Variants in ZCCHC7 observed in about 807,000 individuals in gnomAD.
ZCCHC7 encodes the protein zinc finger CCHC-type containing 7.
Under a neutral mutation model 52.0 loss-of-function variants are expected in ZCCHC7, and 35 were observed. That is an observed-to-expected ratio of 0.67 (90% CI 0.51 to 0.89). ZCCHC7 has a LOEUF of 0.89. Among genes scored for constraint, ZCCHC7 ranks in the 40% least tolerant of loss-of-function variants. The probability of loss-of-function intolerance (pLI) is 0.00; values close to 1 mark genes in which losing one functional copy is unlikely to be tolerated. For missense variants in ZCCHC7, 574 were observed against 649.1 expected (o/e 0.88, Z 1.26); for synonymous variants, 217 against 221.5 (o/e 0.98, Z 0.18).
At chr9:37,346,743 A>T (rs763517940) in intron 6 of ZCCHC7, among the ~76,000 whole-genome samples, 6 of 152,220 alleles carry the variant, frequency 3.9e-5, no homozygotes, top group Non-Finnish European at 7.3e-5. Flanking sequence ...TAGGAGGCCA[A>T]GGTGAAAGGA....
Position 37,354,814 on chromosome 9 carries a change from AAAAAT to A in ZCCHC7, c.1193_1197del (p.Ile398SerfsTer22). 6.2e-7 allele frequency: 1 copy of A among 1,601,066 alleles called. No homozygotes were observed. Among genetic ancestry groups the A allele is most frequent in the East Asian group, 2.2e-5 (1 of 44,822 alleles). Reference sequence around the variant, plus strand: ...AGGAGAGAGAAAAGAGACTAAAACAAAAAATAAAAGGTATGTTGCTAGACTTCTTG... The same window carrying A: ...AGGAGAGAGAAAAGAGACTAAAACAAAAAAGGTATGTTGCTAGACTTCTTG... On this transcript the variant is annotated frameshift_variant, in exon 8 of 9. Coordinates refer to ENST00000336755, the MANE Select transcript of ZCCHC7 (RefSeq NM_032226.3). LOFTEE classifies it low-confidence loss of function (END_TRUNC). This position sits in a 1 kb window ranked among gnomAD's most constrained non-coding sequence, Gnocchi z 4.0.
intron 2 of ZCCHC7, among the ~76,000 whole-genome samples, chr9:37,288,848 A>G (rs1457853062): frequency 1.3e-5 from 2 of 152,036 alleles, no homozygotes; most frequent in Non-Finnish European, 2.9e-5. Flanking sequence ...TCCTTTCTCT[A>G]CACTCAAACC....
At chr9:37,235,164 T>C (rs1825585028) in intron 2 of ZCCHC7, among the ~76,000 whole-genome samples, 1 of 152,234 alleles carries the variant, frequency 6.6e-6, no homozygotes, top group African/African-American at 2.4e-5. Flanking sequence ...TTATTGTTAA[T>C]TGTAATCACT....
intron 6 of ZCCHC7, among the ~76,000 whole-genome samples, chr9:37,342,121 A>T (rs540925991): frequency 1.3e-5 from 2 of 152,288 alleles, no homozygotes; most frequent in South Asian, 4.2e-4. Context: ...TAATCATCCA[A>T]ACGAGAGTTG....
rs1823087548 is a variant in ZCCHC7, at chr9:37,192,831, T to G, written c.610+65889T>G. On this transcript the variant is annotated intron_variant, in intron 2 of 8. Coordinates refer to ENST00000336755, the MANE Select transcript of ZCCHC7 (RefSeq NM_032226.3). ...TAGATTTTTCCCTTTTTAAAAAAACTTTACACAAAATGTAAACTTCATACA... is the reference window on the plus strand; with the variant it reads ...TAGATTTTTCCCTTTTTAAAAAAACGTTACACAAAATGTAAACTTCATACA... Among the ~76,000 whole-genome samples the G allele has an allele frequency of 2.2e-5, 3 of 138,100 alleles. No homozygotes were observed. In the South Asian group the frequency reaches 6.3e-4, roughly 29 times the overall value. The allele number at this position is 138,100 out of a possible 152,430, so 90.6% of individuals were successfully genotyped here. A position where few individuals can be genotyped will look rare whatever the true frequency, so the allele number is the denominator to read the frequency against.
intron 2 of ZCCHC7, among the ~76,000 whole-genome samples, chr9:37,279,113 T>C (rs1261978316): frequency 6.6e-6 from 1 of 152,032 alleles, no homozygotes; most frequent in African/African-American, 2.4e-5. Flanking sequence ...GGAAATGATA[T>C]ACCAAGTCAA....
At chr9:37,197,872 T>G (rs908357104) in intron 2 of ZCCHC7, among the ~76,000 whole-genome samples, 2 of 152,234 alleles carry the variant, frequency 1.3e-5, no homozygotes, top group Admixed American at 1.3e-4. Flanking sequence ...ATACTTTATC[T>G]ACTTCAGGTA....
intron 2 of ZCCHC7, among the ~76,000 whole-genome samples, chr9:37,161,391 G>T (rs1028474437): frequency 5.3e-5 from 8 of 152,052 alleles, no homozygotes; most frequent in African/African-American, 1.7e-4. Flanking sequence ...TGGCTAACAC[G>T]GTGAAACCCC....
chr9:37,270,434 T>G lies in ZCCHC7; in HGVS notation c.611-31754T>G, dbSNP rs1249105041. On this transcript the variant is annotated intron_variant, in intron 2 of 8. Transcript: ENST00000336755. Reference sequence around the variant, plus strand: ...GGCTGGGCGCGGTGGCTCATGCCTGTAATCACAGCACTTTGGGAGGCTGAG... The same window carrying G: ...GGCTGGGCGCGGTGGCTCATGCCTGGAATCACAGCACTTTGGGAGGCTGAG... 2.6e-5 allele frequency among the ~76,000 whole-genome samples: 4 copies of G among 152,184 alleles called. No homozygotes were observed. The Middle Eastern group carries it at 0.01, about 388-fold the overall frequency.
chr9:37,278,147 GCTCCTA>G, intron 2 of ZCCHC7, among the ~76,000 whole-genome samples: 1 of 151,812 alleles, frequency 6.6e-6, no homozygotes, highest in Non-Finnish European at 1.5e-5. Context: ...GCAGCCTCGA[GCTCCTA>G]GACTCTGGTG....
intron 7 of ZCCHC7, among the ~76,000 whole-genome samples, chr9:37,353,416 A>G (rs971947469): frequency 3.3e-5 from 5 of 152,186 alleles, no homozygotes; most frequent in Non-Finnish European, 5.9e-5. Context: ...AAAATTATGA[A>G]GTCTGAAACT....
chr9:37,326,787 T>C (rs1830261357), intron 5 of ZCCHC7: 1 of 152,020 alleles, frequency 6.6e-6, no homozygotes, highest in Non-Finnish European at 1.5e-5. Flanking sequence ...TGTTTCAAAC[T>C]AGGTATCAAA....
At chr9:37,136,502 G>C (rs541212578) in intron 2 of ZCCHC7, among the ~76,000 whole-genome samples, 3 of 149,318 alleles carry the variant, frequency 2.0e-5, no homozygotes, top group African/African-American at 7.3e-5. Context: ...CTCTCACCCA[G>C]GCAGGAGTAC....
intron 2 of ZCCHC7, chr9:37,160,083 T>G (rs960950223): frequency 6.6e-6 from 1 of 152,214 alleles, no homozygotes. Flanking sequence ...ACACCCTACT[T>G]GAAGGATCCT....
chr9:37,129,940 A>G (rs1027853281), intron 2 of ZCCHC7, among the ~76,000 whole-genome samples: 31 of 152,184 alleles, frequency 2.0e-4, no homozygotes, highest in African/African-American at 7.5e-4. Flanking sequence ...TTACAGTGGT[A>G]AAAGACTTAA....
At chr9:37,299,767 A>G (rs567265385) in intron 2 of ZCCHC7, among the ~76,000 whole-genome samples, 3 of 152,294 alleles carry the variant, frequency 2.0e-5, no homozygotes, top group Non-Finnish European at 4.4e-5. Flanking sequence ...GACTTGATCT[A>G]TTGTTGAAAC....
At chr9:37,349,324 A>G (rs374032208) in intron 6 of ZCCHC7, 33 bp from the exon 7 acceptor site, 13 of 1,604,510 alleles carry the variant, frequency 8.1e-6, no homozygotes, top group Non-Finnish European at 1.1e-5. Context: ...TTCTTCTAAC[A>G]TCAACAAACC....
intron 6 of ZCCHC7, among the ~76,000 whole-genome samples, chr9:37,343,615 A>G (rs1820772783): frequency 6.6e-6 from 1 of 152,236 alleles, no homozygotes; most frequent in African/African-American, 2.4e-5. Flanking sequence ...GAAAAATTCC[A>G]TGAAACTTTT....
chr9:37,293,573 G>A (rs553235866), intron 2 of ZCCHC7, among the ~76,000 whole-genome samples: 2 of 152,150 alleles, frequency 1.3e-5, no homozygotes, highest in Non-Finnish European at 2.9e-5. Context: ...TTTGTGGACA[G>A]TTGGAGGTGG....
Sources: allele counts gnomAD v4.1 joint callset (sites outside exome capture counted in the v4.1 genomes callset), GRCh38; gene constraint gnomAD v4.1.1; non-coding constraint Gnocchi (gnomAD v3.1); transcripts MANE v1.5; gene names NCBI Gene and HGNC (gene_info 2026-07-23, HGNC 2026-07-21).